PCDH15: variants seen among roughly 807,000 people sequenced by gnomAD.
The protein encoded by PCDH15 is protocadherin related 15.
Under a neutral mutation model 178.5 loss-of-function variants are expected in PCDH15, and 129 were observed. The observed-to-expected ratio is 0.72, with a 90% CI of 0.63 to 0.84. The LOEUF (loss-of-function observed/expected upper bound fraction) is 0.84, where lower values mean the gene tolerates loss of function less well. PCDH15 is among the 40% of genes least tolerant of loss of function. The probability of loss-of-function intolerance (pLI) is 0.00; values close to 1 mark genes in which losing one functional copy is unlikely to be tolerated. For synonymous variants in PCDH15, 800 were observed against 732.0 expected (o/e 1.09, Z -1.50); for missense variants, 2,230 against 2,099.9 (o/e 1.06, Z -1.21).
intron 32 of PCDH15, among the ~76,000 whole-genome samples, chr10:53,824,166 A>G (rs1316196630): frequency 1.3e-5 from 2 of 152,028 alleles, no homozygotes; most frequent in Non-Finnish European, 2.9e-5. Context: ...TCACTTTTTG[A>G]TATCACTGAA....
chr10:55,135,864 G>A (rs911853345), intron 2 of PCDH15, among the ~76,000 whole-genome samples: 6 of 152,096 alleles, frequency 3.9e-5, no homozygotes, highest in East Asian at 3.9e-4. Context: ...GATTACAGGC[G>A]TGAGCCACTG....
intron 2 of PCDH15, among the ~76,000 whole-genome samples, chr10:54,991,080 C>T (rs1005726827): frequency 6.6e-5 from 10 of 151,996 alleles, no homozygotes; most frequent in African/African-American, 2.2e-4. Context: ...ACTTTCATTT[C>T]GTTTGCATTT....
intron 21 of PCDH15, among the ~76,000 whole-genome samples, chr10:53,981,894 G>A (rs913832841): frequency 2.0e-5 from 3 of 149,982 alleles, no homozygotes; most frequent in African/African-American, 7.3e-5. Context: ...CCTACAAAAT[G>A]GGAGAAAATT....
At chr10:53,813,514 A>G (rs938597596) in intron 35 of PCDH15, among the ~76,000 whole-genome samples, 1 of 152,200 alleles carries the variant, frequency 6.6e-6, no homozygotes, top group Admixed American at 6.5e-5. Context: ...AAGTCTGGAG[A>G]GATTATTACT....
chr10:54,369,596 A>G (rs1947336636), intron 4 of PCDH15, among the ~76,000 whole-genome samples: 1 of 152,046 alleles, frequency 6.6e-6, no homozygotes, highest in African/African-American at 2.4e-5. Flanking sequence ...AAGAAGCAAT[A>G]ATATAAACTT....
chr10:54,608,063 T>C (rs1239250204), intron 2 of PCDH15: 1 of 433,076 alleles, frequency 2.3e-6, no homozygotes, highest in African/African-American at 2.2e-5. Flanking sequence ...GAAATACTTT[T>C]CTTTGACAAA....
At chr10:54,920,739 T>C (rs74138823) in intron 2 of PCDH15, among the ~76,000 whole-genome samples, 3,358 of 152,292 alleles carry the variant, frequency 0.022, 141 homozygotes, top group African/African-American at 0.075. Context: ...ATAAGAATCA[T>C]AGAGTAAACA....
At chr10:54,273,212 CTTTA>C (rs1250539583) in intron 8 of PCDH15, among the ~76,000 whole-genome samples, 3 of 151,886 alleles carry the variant, frequency 2.0e-5, no homozygotes, top group Admixed American at 6.6e-5. Flanking sequence ...AGAAGTTATA[CTTTA>C]TTTAGAACTT....
intron 25 of PCDH15, among the ~76,000 whole-genome samples, chr10:53,934,569 G>T (rs1371814008): frequency 2.7e-5 from 4 of 150,274 alleles, no homozygotes; most frequent in African/African-American, 5.0e-5. Flanking sequence ...CTGCACTCCA[G>T]CTTGGGCAAC....
intron 1 of PCDH15, among the ~76,000 whole-genome samples, chr10:54,691,607 T>C (rs2095121544): frequency 6.6e-6 from 1 of 151,630 alleles, no homozygotes; most frequent in Non-Finnish European, 1.5e-5. Flanking sequence ...CAGAGGAGTA[T>C]TTTGAATGGC....
chr10:54,820,697 T>C (rs1321129490), intron 3 of PCDH15, among the ~76,000 whole-genome samples: 1 of 152,072 alleles, frequency 6.6e-6, no homozygotes, highest in Non-Finnish European at 1.5e-5. Flanking sequence ...AAAGAAACTA[T>C]AGTTTGCTAA....
At chr10:53,925,225 C>T (rs921603012) in intron 25 of PCDH15, among the ~76,000 whole-genome samples, 4 of 152,148 alleles carry the variant, frequency 2.6e-5, no homozygotes, top group Non-Finnish European at 5.9e-5. Flanking sequence ...CCGCGAAGGT[C>T]TGCAGCTTCA....
At position 54,030,900 on chromosome 10, in the gene PCDH15, G is replaced by C. The variant is rs112436466; in HGVS notation, c.2221-7703C>G. Among the ~76,000 whole-genome samples the C allele has an allele frequency of 9.6e-3, 1,464 of 151,882 alleles. 9 individuals are homozygous for C. The highest frequency in any genetic ancestry group is 0.021 in the Middle Eastern group (6 of 292). On this transcript the variant is annotated intron_variant, in intron 18 of 37. Transcript: ENST00000644397. ...CTTTCTCGCCTATACAGCACCCACT[G>C]TGAATTCCAAATCCAGCTTTACTCT...
chr10:54,167,080 G>A (rs2046309971), intron 13 of PCDH15, among the ~76,000 whole-genome samples: 1 of 152,174 alleles, frequency 6.6e-6, no homozygotes, highest in Admixed American at 6.5e-5. Context: ...CAGCCATGTT[G>A]CTCACACAAA....
chr10:55,448,824 A>G (rs1418794369), intron 2 of PCDH15, among the ~76,000 whole-genome samples: 1 of 152,074 alleles, frequency 6.6e-6, no homozygotes, highest in African/African-American at 2.4e-5. Flanking sequence ...TGAAAACAAT[A>G]AATTCAGTTG....
At chr10:55,110,933 A>G (rs977503693) in intron 2 of PCDH15, among the ~76,000 whole-genome samples, 5 of 152,132 alleles carry the variant, frequency 3.3e-5, no homozygotes, top group African/African-American at 4.8e-5. Context: ...TTTAACTAGT[A>G]TATCAGTTTA....
intron 3 of PCDH15, among the ~76,000 whole-genome samples, chr10:54,391,541 T>C (rs1260287177): frequency 1.3e-5 from 2 of 151,474 alleles, no homozygotes; most frequent in African/African-American, 4.9e-5. Flanking sequence ...TAAGAGGTAA[T>C]GTCATACACT....
intron 3 of PCDH15, among the ~76,000 whole-genome samples, chr10:54,828,247 G>A (rs997628519): frequency 6.6e-6 from 1 of 151,738 alleles, no homozygotes; most frequent in South Asian, 2.1e-4. Context: ...TAAGTCCTGA[G>A]ATAACATTCT....
chr10:54,785,003 T>C (rs1950710806), intron 1 of PCDH15, among the ~76,000 whole-genome samples: 1 of 151,726 alleles, frequency 6.6e-6, no homozygotes, highest in African/African-American at 2.4e-5. Flanking sequence ...CCCCAAGACA[T>C]CCCTGACCAA....
Sources: gnomAD v4.1 joint callset for allele counts (sites outside exome capture counted in the v4.1 genomes callset) on GRCh38, gnomAD v4.1.1 for gene constraint, MANE v1.5 for transcripts, NCBI Gene and HGNC (gene_info 2026-07-23, HGNC 2026-07-21) for gene names.